AOX1: variants seen among roughly 807,000 people sequenced by gnomAD.
AOX1 encodes aldehyde oxidase 1, also known as aldehyde oxidase.
Under a neutral mutation model 169.5 loss-of-function variants are expected in AOX1, and 153 were observed. The ratio of observed to expected loss-of-function variants is 0.90; its 90% CI spans 0.79 to 1.03. The LOEUF (loss-of-function observed/expected upper bound fraction) is 1.03, where lower values mean the gene tolerates loss of function less well. Ranked by LOEUF, AOX1 falls within the 50% of genes least tolerant of loss-of-function variation. The probability of loss-of-function intolerance (pLI) is 0.00; values close to 1 mark genes in which losing one functional copy is unlikely to be tolerated. For missense variants in AOX1, 1,656 were observed against 1,663.9 expected, an observed-to-expected ratio of 1.00 and a Z score of 0.08; for synonymous variants, 562 against 581.9, an observed-to-expected ratio of 0.97 and a Z score of 0.49.
chr2:200,639,479 G>A lies in AOX1; in HGVS notation c.2568+1177G>A, dbSNP rs571833411. ...TTAAATGCATAGCACTGTCTCCATC[G>A]CAAAACTGCATAACTAATACATGTT... On this transcript the variant is annotated intron_variant, in intron 23 of 34. Coordinates refer to ENST00000374700, the MANE Select transcript of AOX1 (RefSeq NM_001159.4). 2.0e-4 allele frequency among the ~76,000 whole-genome samples: 30 copies of A among 152,256 alleles called. No homozygotes were observed. In the South Asian group the frequency reaches 6.0e-3, roughly 31 times the overall value.
chr2:200,634,784 G>C lies in AOX1; in HGVS notation c.2222-7G>C. 1 of 1,613,688 alleles carries C rather than the reference G, an allele frequency of 6.2e-7. No individual in the cohort carries two copies. The highest frequency in any genetic ancestry group is 1.1e-5 in the South Asian group (1 of 91,028). ...TTCCTTGACTTTTATGTATTTTCCT[G>C]TAACAGGTGAAATACATATGGGAGG... On this transcript the variant is annotated splice_region_variant and splice_polypyrimidine_tract_variant and intron_variant, in intron 20 of 34. Transcript: ENST00000374700.
At chr2:200,646,704 T>C (rs1202847623) in intron 25 of AOX1, among the ~76,000 whole-genome samples, 2 of 152,110 alleles carry the variant, frequency 1.3e-5, no homozygotes, top group Admixed American at 1.3e-4. Flanking sequence ...ATTTCTTAGG[T>C]CTATTAGTAA....
intron 26 of AOX1, 145 bp from the exon 27 acceptor site, chr2:200,656,697 C>T (rs1420222819): frequency 6.6e-6 from 3 of 454,778 alleles, no homozygotes; most frequent in Non-Finnish European, 1.1e-5. Flanking sequence ...TTTCCCCCAC[C>T]CCAAAAAGAA....
At position 200,630,634 on chromosome 2, in the gene AOX1, G is replaced by A. The variant is rs574858548; in HGVS notation, c.2221+3185G>A. On this transcript the variant is annotated intron_variant, in intron 20 of 34. Transcript: ENST00000374700. ...AAAGAAAAGGAAAGACAAGGGAAGG[G>A]AAAGACAAGGGAAGGCAAAAGAAAA... Among the ~76,000 whole-genome samples, 13 of 151,960 alleles carry A rather than the reference G, an allele frequency of 8.6e-5. No homozygotes were observed. The East Asian group carries it at 2.5e-3, about 29-fold the overall frequency.
chr2:200,654,915 C>T (rs1030850924), intron 26 of AOX1, among the ~76,000 whole-genome samples: 2 of 152,182 alleles, frequency 1.3e-5, no homozygotes, highest in African/African-American at 4.8e-5. Flanking sequence ...AAGGAGATTG[C>T]AGCACCACAT....
rs2034252591 is a variant in AOX1 at position 200,595,042 on chromosome 2, G to C, written c.104-230G>C. 2.0e-5 allele frequency among the ~76,000 whole-genome samples: 3 copies of C among 152,232 alleles called. No homozygotes were observed. The South Asian group carries it at 6.2e-4, about 32-fold the overall frequency. ...CCTATTTTTGGCAACCTGACGTCCA[G>C]TTGTTTTCAAAGGGAGAATGCAAGA... On this transcript the variant is annotated intron_variant, in intron 2 of 34. Coordinates refer to ENST00000374700, the MANE Select transcript of AOX1 (RefSeq NM_001159.4).
chr2:200,678,818 G>T (rs571091241), downstream of AOX1, among the ~76,000 whole-genome samples: 2 of 151,468 alleles, frequency 1.3e-5, no homozygotes, highest in Admixed American at 6.6e-5. Flanking sequence ...TTGTCAGTGT[G>T]ATGGCTGGTC....
At chr2:200,662,473 A>G (rs964722291) in intron 30 of AOX1, among the ~76,000 whole-genome samples, 6 of 152,218 alleles carry the variant, frequency 3.9e-5, no homozygotes, top group African/African-American at 1.4e-4. Context: ...TTCTGGAGCC[A>G]GAAAGATAGA....
chr2:200,636,589 A>G (rs1349909104), intron 21 of AOX1, among the ~76,000 whole-genome samples: 1 of 152,220 alleles, frequency 6.6e-6, no homozygotes, highest in Non-Finnish European at 1.5e-5. Flanking sequence ...AAAATACAAA[A>G]AAGTATGAGT....
At chr2:200,655,644 A>G (rs890349873) in intron 26 of AOX1, among the ~76,000 whole-genome samples, 1 of 152,140 alleles carries the variant, frequency 6.6e-6, no homozygotes, top group Admixed American at 6.5e-5. Context: ...TGCCGACCAA[A>G]TAAATGGAGT....
At chr2:200,657,190 A>ATATTTTTTTTTTTTTTTT in intron 27 of AOX1, among the ~76,000 whole-genome samples, 3 of 62,914 alleles carry the variant, frequency 4.8e-5, no homozygotes, top group African/African-American at 2.4e-4. Context: ...ATATATATAT[A>ATATTTTTTTTTTTTTTTT]TTTTTTTTTT....
chr2:200,588,807 C>G (rs1007444759), intron 1 of AOX1, among the ~76,000 whole-genome samples: 2 of 142,798 alleles, frequency 1.4e-5, no homozygotes, highest in Non-Finnish European at 3.0e-5. Context: ...TGCAAGCACC[C>G]ACCACCACGC....
intron 16 of AOX1, among the ~76,000 whole-genome samples, chr2:200,618,767 G>C (rs560355138): frequency 1.3e-5 from 2 of 152,266 alleles, no homozygotes; most frequent in African/African-American, 4.8e-5. Flanking sequence ...TTTCACAGCT[G>C]TCTTAAGTAA....
At chr2:200,599,190 CAACTT>C (rs1429501341) in intron 4 of AOX1, among the ~76,000 whole-genome samples, 19 of 152,214 alleles carry the variant, frequency 1.2e-4, no homozygotes, top group Non-Finnish European at 2.4e-4. Context: ...TTCCACTTCT[CAACTT>C]GAGTGTAATT....
rs752882911 is a variant in AOX1, at chr2:200,593,203, C to A, written c.103C>A (p.Leu35Ile). ...TMLLPYLRKKLRLTGTKYGCG... is the reference protein window; with the variant it reads ...TMLLPYLRKKIRLTGTKYGCG... ...GCTGTTGCCTTATTTGAGGAAGAAGCGTATCCTTTTCTTTACTTTGACTGT... is the reference window on the plus strand; with the variant it reads ...GCTGTTGCCTTATTTGAGGAAGAAGAGTATCCTTTTCTTTACTTTGACTGT... Residue 35 changes from leucine to isoleucine, a missense_variant and splice_region_variant, in exon 2 of 35, where the codon CTT becomes ATT. Transcript: ENST00000374700. 1 of 1,612,570 alleles carries A rather than the reference C, an allele frequency of 6.2e-7. No individual in the cohort carries two copies. The highest frequency in any genetic ancestry group is 8.5e-7 in the Non-Finnish European group (1 of 1,178,988).
chr2:200,607,759 G>A (rs1196194392), intron 10 of AOX1, among the ~76,000 whole-genome samples: 1 of 151,602 alleles, frequency 6.6e-6, no homozygotes, highest in Non-Finnish European at 1.5e-5. Flanking sequence ...AACTGTGACA[G>A]ATACACACCA....
At position 200,661,607 on chromosome 2, in the gene AOX1, A is replaced by G. The variant is rs55754655; in HGVS notation, c.3404A>G (p.Asn1135Ser). ...WAQTAFDESI[N>S]LSAVGYFRGY... Reference sequence around the variant, plus strand: ...CAGACTGCTTTTGATGAAAGCATTAACCTTTCAGCTGTTGGATACTTCAGG... The same window carrying G: ...CAGACTGCTTTTGATGAAAGCATTAGCCTTTCAGCTGTTGGATACTTCAGG... Residue 1135 changes from asparagine (N) to serine (S), a missense_variant, in exon 30 of 35, where the codon AAC becomes AGC. Physicochemically the swap from Asn to Ser is conservative, Grantham distance 46. Coordinates refer to ENST00000374700, the MANE Select transcript of AOX1 (RefSeq NM_001159.4). 210,121 of 1,606,880 alleles carry G rather than the reference A, an allele frequency of 0.13. 15,610 individuals are homozygous for G. The highest frequency in any genetic ancestry group is 0.26 in the African/African-American group (19,035 of 74,612).
At chr2:200,632,854 G>A (rs980446589) in intron 20 of AOX1, among the ~76,000 whole-genome samples, 1 of 151,442 alleles carries the variant, frequency 6.6e-6, no homozygotes, top group African/African-American at 2.4e-5. Context: ...GGTTCCTGAA[G>A]AGAAATCTAC....
At chr2:200,604,149 A>G (rs2105698958) in intron 8 of AOX1, 52 bp downstream of exon 8, 1 of 1,345,196 alleles carries the variant, frequency 7.4e-7, no homozygotes, top group East Asian at 2.3e-5. Context: ...GTGAAATATC[A>G]GGAAGGGTAT....
Sources: gnomAD v4.1 joint callset for allele counts (sites outside exome capture counted in the v4.1 genomes callset) on GRCh38, gnomAD v4.1.1 for gene constraint, MANE v1.5 for transcripts, NCBI Gene and HGNC (gene_info 2026-07-23, HGNC 2026-07-21) for gene names.